The following ROBO1 variants were observed in gnomAD, a reference collection of about 807,000 sequenced individuals.
ROBO1 encodes roundabout homolog 1.
Under a neutral mutation model 195.9 loss-of-function variants are expected in ROBO1, and 149 were observed. The ratio of observed to expected loss-of-function variants is 0.76; its 90% CI spans 0.67 to 0.87. The LOEUF (loss-of-function observed/expected upper bound fraction) is 0.87, where lower values mean the gene tolerates loss of function less well. ROBO1 is among the 40% of genes least tolerant of loss of function. ROBO1 has a pLI of 0.00. For synonymous variants in ROBO1, 816 were observed against 733.2 expected (o/e 1.11, Z -1.82); for missense variants, 1,933 against 2,068.3 (o/e 0.93, Z 1.27).
chr3:79,351,794 CTTTT>C (rs1339330372), intron 2 of ROBO1, among the ~76,000 whole-genome samples: 1 of 150,808 alleles, frequency 6.6e-6, no homozygotes, highest in Non-Finnish European at 1.5e-5. Context: ...TTCTTTCTTT[CTTTT>C]TTTTTCTTTT....
At chr3:79,389,343 T>C (rs1223191434) in intron 2 of ROBO1, among the ~76,000 whole-genome samples, 1 of 152,144 alleles carries the variant, frequency 6.6e-6, no homozygotes, top group African/African-American at 2.4e-5. Context: ...CAAAGAAATA[T>C]TAAACTTCAC....
chr3:79,345,639 C>T (rs1314467424), intron 2 of ROBO1, among the ~76,000 whole-genome samples: 1 of 152,142 alleles, frequency 6.6e-6, no homozygotes, highest in Admixed American at 6.6e-5. Flanking sequence ...TTTGCTTTCA[C>T]TTGAACTATC....
chr3:79,018,922 G>C, intron 3 of ROBO1: 1 of 988,276 alleles, frequency 1.0e-6, no homozygotes, highest in South Asian at 4.7e-5. Flanking sequence ...TCCGTCTCCC[G>C]GCGAGCCCAG....
At chr3:78,875,558 A>C (rs2107193959) in intron 4 of ROBO1, among the ~76,000 whole-genome samples, 1 of 152,150 alleles carries the variant, frequency 6.6e-6, no homozygotes, top group East Asian at 1.9e-4. Flanking sequence ...AAAAAAAATC[A>C]ATTGCATGCA....
At chr3:79,018,803 C>T (rs1218428607) in intron 3 of ROBO1, 4 of 1,049,368 alleles carry the variant, frequency 3.8e-6, no homozygotes, top group African/African-American at 3.3e-5. Context: ...CGGAGCCTCC[C>T]GGCGTGCGCC....
intron 8 of ROBO1, among the ~76,000 whole-genome samples, chr3:78,711,293 CTTTCTCTT>C (rs1346084524): frequency 2.0e-5 from 3 of 147,618 alleles, no homozygotes; most frequent in African/African-American, 8.0e-5. Context: ...CCCTTTCTTT[CTTTCTCTT>C]TCTTTCTTTC....
At chr3:79,365,348 G>A (rs895881348) in intron 2 of ROBO1, among the ~76,000 whole-genome samples, 1 of 152,062 alleles carries the variant, frequency 6.6e-6, no homozygotes, top group Non-Finnish European at 1.5e-5. Context: ...GTATACTAAC[G>A]TCATGTCAGC....
Position 78,962,823 on chromosome 3 carries a change from C to CAAAAAAA in ROBO1, c.173-23903_173-23897dup, listed in dbSNP as rs770515270. ...TGGGCGACAGAGTGAGACTCCATCT[C>CAAAAAAA]AAAAAAAAAAAAAAAAAAAAAAAAA... is the stretch of plus-strand genomic sequence containing the variant. On this transcript the variant is annotated intron_variant, in intron 3 of 30. Coordinates refer to ENST00000464233, the MANE Select transcript of ROBO1 (RefSeq NM_002941.4). 3.0e-3 allele frequency among the ~76,000 whole-genome samples: 78 copies of CAAAAAAA among 26,210 alleles called. 2 individuals carry two copies. The East Asian group carries it at 0.035, about 12-fold the overall frequency. 17.2% of individuals were successfully genotyped at this position (26,210 alleles called of 152,430 possible). A position where few individuals can be genotyped will look rare whatever the true frequency, so the allele number is the denominator to read the frequency against.
intron 2 of ROBO1, among the ~76,000 whole-genome samples, chr3:79,387,279 T>G (rs1174383669): frequency 1.3e-5 from 2 of 152,008 alleles, no homozygotes; most frequent in Non-Finnish European, 2.9e-5. Context: ...AGCAAAAAAT[T>G]TGTAGCAGTA....
chr3:79,580,647 T>C (rs1436541692), intron 2 of ROBO1, among the ~76,000 whole-genome samples: 2 of 152,258 alleles, frequency 1.3e-5, no homozygotes, highest in Non-Finnish European at 2.9e-5. Flanking sequence ...TACTGTTTTA[T>C]ATATAAATGA....
At chr3:78,735,986 C>T (rs571782799) in intron 5 of ROBO1, among the ~76,000 whole-genome samples, 98 of 152,230 alleles carry the variant, frequency 6.4e-4, no homozygotes, top group Middle Eastern at 3.4e-3. Context: ...TCAGCTCCAT[C>T]TCTAAGATTC....
chr3:79,503,125 C>T (rs865931935), intron 2 of ROBO1, among the ~76,000 whole-genome samples: 1 of 152,158 alleles, frequency 6.6e-6, no homozygotes, highest in Non-Finnish European at 1.5e-5. Flanking sequence ...TTTGGGTCTA[C>T]ACTGCCATTA....
chr3:79,614,243 T>C (rs1423287506), intron 1 of ROBO1, among the ~76,000 whole-genome samples: 3 of 152,082 alleles, frequency 2.0e-5, no homozygotes, highest in African/African-American at 4.8e-5. Context: ...CAGTGCTCAT[T>C]CTGGGCCAGA....
Position 78,659,844 on chromosome 3 carries a change from T to G in ROBO1, c.2321-37A>C, listed in dbSNP as rs369902894. Reference sequence around the variant, plus strand: ...TTTTAAAAGGTAGGTTATTAGAATGTGCTAGAGAACACTGAAAGCAGGTAA... The same window carrying G: ...TTTTAAAAGGTAGGTTATTAGAATGGGCTAGAGAACACTGAAAGCAGGTAA... On this transcript the variant is annotated intron_variant, in intron 16 of 30. Transcript: ENST00000464233. The G allele has an allele frequency of 1.1e-4, 165 of 1,561,170 alleles. No homozygotes were observed. In the African/African-American group the frequency reaches 2.2e-3, roughly 20 times the overall value.
intron 4 of ROBO1, among the ~76,000 whole-genome samples, chr3:78,795,083 A>T (rs1280774856): frequency 6.6e-6 from 1 of 152,164 alleles, no homozygotes; most frequent in South Asian, 2.1e-4. Flanking sequence ...TATCACTGAT[A>T]TTTTCCTTGC....
Position 79,589,817 on chromosome 3 carries a change from C to G in ROBO1, c.88+7G>C, listed in dbSNP as rs138253452. ...AAGTATTGATGAAACAAATGCACAG[C>G]ACTTACCTGGAATAAGCTGGGCCAG... is the stretch of plus-strand genomic sequence containing the variant. On this transcript the variant is annotated splice_region_variant and intron_variant, in intron 2 of 30. Coordinates refer to ENST00000464233, the MANE Select transcript of ROBO1 (RefSeq NM_002941.4). The G allele has an allele frequency of 6.8e-6, 11 of 1,606,772 alleles. No individual in the cohort carries two copies. The highest frequency in any genetic ancestry group is 9.4e-6 in the Non-Finnish European group (11 of 1,174,276).
intron 1 of ROBO1, among the ~76,000 whole-genome samples, chr3:79,646,818 A>T (rs1945833451): frequency 6.6e-6 from 1 of 152,136 alleles, no homozygotes; most frequent in Admixed American, 6.6e-5. Context: ...CAGAAGACAA[A>T]TATCATATGT....
chr3:79,689,596 GCAA>G lies in ROBO1; in HGVS notation c.-51+78153_-51+78155del, dbSNP rs553839682. Among the ~76,000 whole-genome samples the G allele has an allele frequency of 8.5e-4, 130 of 152,072 alleles. 1 individual carries two copies. Among genetic ancestry groups the G allele is most frequent in the African/African-American group, 2.9e-3 (122 of 41,510 alleles). On this transcript the variant is annotated intron_variant, in intron 1 of 30. Coordinates refer to ENST00000464233, the MANE Select transcript of ROBO1 (RefSeq NM_002941.4). The stretch of plus-strand genomic sequence containing the variant: ...AAACAGATCAGGAAGAGAGCCAATT[GCAA>G]CAGGAGGAAATCAACTAATAAGGAA...
chr3:79,703,230 A>C (rs1576255102), intron 1 of ROBO1, among the ~76,000 whole-genome samples: 1 of 152,020 alleles, frequency 6.6e-6, no homozygotes, highest in South Asian at 2.1e-4. Context: ...AAAATGTCTT[A>C]AAATGTATTA....
Sources: allele counts gnomAD v4.1 joint callset (sites outside exome capture counted in the v4.1 genomes callset), GRCh38; gene constraint gnomAD v4.1.1; transcripts MANE v1.5; gene names NCBI Gene and HGNC (gene_info 2026-07-23, HGNC 2026-07-21).